The following DMP1 variants were observed in gnomAD, a reference collection of about 807,000 sequenced individuals.
DMP1 encodes dentin matrix acidic phosphoprotein 1.
In DMP1, 20 loss-of-function variants were observed where a neutral mutation model predicts 14.6. That is an observed-to-expected ratio of 1.37 (90% CI 0.96 to 1.99). DMP1 has a LOEUF of 1.99. Ranked by LOEUF, DMP1 falls within the 30% of genes most tolerant of loss-of-function variation. The probability of loss-of-function intolerance (pLI) is 0.00; values close to 1 mark genes in which losing one functional copy is unlikely to be tolerated. For missense variants in DMP1, 567 were observed against 620.5 expected, an observed-to-expected ratio of 0.91 and a Z score of 0.92; for synonymous variants, 197 against 215.3, an observed-to-expected ratio of 0.91 and a Z score of 0.75.
intron 5 of DMP1, chr4:87,660,561 CA>C (rs1240421743): frequency 6.6e-6 from 1 of 152,266 alleles, no homozygotes; most frequent in Admixed American, 6.5e-5. Context: ...AAAAACAAAA[CA>C]AAACAAAACA....
At position 87,663,613 on chromosome 4, in the gene DMP1, G is replaced by C; in HGVS notation, c.*293G>C. 1 of 454,466 alleles carries C rather than the reference G, an allele frequency of 2.2e-6. No individual in the cohort carries two copies. The highest frequency in any genetic ancestry group is 2.1e-5 in the South Asian group (1 of 47,490). 28.2% of individuals were successfully genotyped at this position (454,466 alleles called of 1,614,324 possible). ...CTAATTCATCAACGTAACAAACAAA[G>C]CTATTGGGTGTCCATGATATACCAG... On this transcript the variant is annotated 3_prime_UTR_variant, in exon 6 of 6. Transcript: ENST00000339673.
At chr4:87,651,915 T>G (rs1257567585) in intron 1 of DMP1, among the ~76,000 whole-genome samples, 3 of 152,172 alleles carry the variant, frequency 2.0e-5, no homozygotes, top group African/African-American at 7.2e-5. Context: ...TAAAAGAAGA[T>G]ATATATTTTA....
At chr4:87,661,918 C>G (rs527689128) in intron 5 of DMP1, 44 bp from the exon 6 acceptor site, 1 of 1,614,040 alleles carries the variant, frequency 6.2e-7, no homozygotes, top group South Asian at 1.1e-5. Context: ...CCTTCTCTAT[C>G]GGTTCCTGGA....
rs558966651 is a variant in DMP1 at position 87,663,890 on chromosome 4, T to C, written c.*570T>C. 6.3e-6 allele frequency: 1 copy of C among 159,588 alleles called. No individual in the cohort carries two copies. Among genetic ancestry groups the C allele is most frequent in the East Asian group, 1.7e-4 (1 of 5,730 alleles). 9.9% of individuals were successfully genotyped at this position (159,588 alleles called of 1,614,324 possible). On this transcript the variant is annotated 3_prime_UTR_variant, in exon 6 of 6. Transcript: ENST00000339673. ...GCTTCATAGCAGAAGACATTGGAGT[T>C]GGAAGGTTGCATAGGGTTTCCTCAT...
At chr4:87,659,067 C>A in intron 3 of DMP1, 153 bp from the exon 4 acceptor site, 1 of 755,456 alleles carries the variant, frequency 1.3e-6, no homozygotes, top group Non-Finnish European at 2.2e-6. Flanking sequence ...CCTTTTGGAA[C>A]CATTTCATCA....
chr4:87,659,405 A>T, intron 4 of DMP1, 26 bp from the exon 5 acceptor site: 1 of 1,613,610 alleles, frequency 6.2e-7, no homozygotes, highest in East Asian at 2.2e-5. Flanking sequence ...TACTAAAAAG[A>T]AAAGTAAACA....
In DMP1 at chr4:87,662,710, G is replaced by A. The variant is rs771275728; in HGVS notation, c.932G>A (p.Arg311Lys). 3.1e-6 allele frequency: 5 copies of A among 1,614,150 alleles called. No individual in the cohort carries two copies. The highest frequency in any genetic ancestry group is 4.2e-6 in the Non-Finnish European group (5 of 1,180,032). ...SRDTGLSQPR[R>K]DSKGDSQEDS... ...GACACTGGCCTCAGCCAACCCAGGA[G>A]AGACAGCAAGGGTGACTCTCAAGAA... The change falls in exon 6 of 6, where the codon AGA (arginine) becomes AAA (lysine). Residue 311 changes from arginine (R) to lysine (K), a missense_variant. Arg to Lys is a conservative substitution (Grantham distance 26). Transcript: ENST00000339673.
intron 5 of DMP1, among the ~76,000 whole-genome samples, chr4:87,661,473 C>T (rs1158039699): frequency 1.1e-4 from 17 of 151,834 alleles, no homozygotes; most frequent in East Asian, 3.9e-4. Flanking sequence ...CCGCCCGCCT[C>T]GGCCTCCCAA....
At chr4:87,651,560 T>C (rs1416726708) in intron 1 of DMP1, among the ~76,000 whole-genome samples, 1 of 152,102 alleles carries the variant, frequency 6.6e-6, no homozygotes, top group Non-Finnish European at 1.5e-5. Flanking sequence ...ATTTTATTAT[T>C]ATAAAACCAA....
chr4:87,659,615 A>G (rs990524753), intron 5 of DMP1, 137 bp downstream of exon 5: 4 of 853,216 alleles, frequency 4.7e-6, no homozygotes, highest in Admixed American at 4.1e-5. Flanking sequence ...AGTCCTATAA[A>G]GTAAGAAGAG....
At chr4:87,653,421 ATATATATATATAC>A (rs2110010222) in intron 1 of DMP1, among the ~76,000 whole-genome samples, 4 of 104,618 alleles carry the variant, frequency 3.8e-5, no homozygotes, top group South Asian at 2.7e-4. Context: ...ATATATATAT[ATATATATATATAC>A]TTTTTTTTTG....
intron 1 of DMP1, among the ~76,000 whole-genome samples, chr4:87,655,287 A>C (rs935619820): frequency 2.0e-5 from 3 of 152,184 alleles, no homozygotes; most frequent in African/African-American, 7.2e-5. Context: ...CATTTCAATA[A>C]ATTTTTACTT....
chr4:87,663,419 AT>A lies in DMP1; in HGVS notation c.*100del. 1.3e-6 allele frequency: 2 copies of A among 1,565,534 alleles called. No individual in the cohort carries two copies. The highest frequency in any genetic ancestry group is 1.8e-4 in the Middle Eastern group (1 of 5,590). On this transcript the variant is annotated 3_prime_UTR_variant, in exon 6 of 6. Coordinates refer to ENST00000339673, the MANE Select transcript of DMP1 (RefSeq NM_004407.4). ...ATTTATTGATGTTTTGATCAAAAGA[AT>A]AACCAGATGCCATATTTTTCCTGAA...
chr4:87,658,311 C>T (rs1277825995), intron 3 of DMP1, among the ~76,000 whole-genome samples: 1 of 152,194 alleles, frequency 6.6e-6, no homozygotes, highest in Non-Finnish European at 1.5e-5. Context: ...CTACTTTGCG[C>T]CTTGGGTGTT....
chr4:87,662,997 G>A lies in DMP1; in HGVS notation c.1219G>A (p.Glu407Lys), dbSNP rs752286947. ...SESREEQADS[E>K]SSESLNFSEE... ...ATCCAGAGAGGAGCAAGCAGACAGC[G>A]AATCCAGTGAGAGCCTCAACTTCTC... The change falls in exon 6 of 6, where the codon GAA (glutamate) becomes AAA (lysine). Residue 407 changes from glutamate to lysine, a missense_variant. Transcript: ENST00000339673. The A allele has an allele frequency of 3.7e-6, 6 of 1,614,042 alleles. 1 individual carries two copies. The highest frequency in any genetic ancestry group is 2.2e-5 in the East Asian group (1 of 44,882).
In DMP1 at chr4:87,663,189, A is replaced by G. The variant is rs959993870; in HGVS notation, c.1411A>G (p.Ser471Gly). The change falls in exon 6 of 6, where the codon AGC (serine) becomes GGC (glycine). Residue 471 changes from serine (S) to glycine (G), a missense_variant. Transcript: ENST00000339673. The part of the protein sequence containing the change: ...RSKEDSNSTE[S>G]KSSSEEDGQL... ...CAAAGAAGATAGCAACTCCACGGAGAGCAAATCAAGCAGTGAGGAAGATGG... is the reference window on the plus strand; with the variant it reads ...CAAAGAAGATAGCAACTCCACGGAGGGCAAATCAAGCAGTGAGGAAGATGG... 6.2e-6 allele frequency: 10 copies of G among 1,614,104 alleles called. No homozygotes were observed. The highest frequency in any genetic ancestry group is 1.3e-5 in the African/African-American group (1 of 74,932).
chr4:87,663,766 A>T lies in DMP1; in HGVS notation c.*446A>T, dbSNP rs936623166. ...ATGTATAAGAGAAACAAGAATTGTTACAACCCAGTATGGTGAGTGCCAAGA... is the reference window on the plus strand; with the variant it reads ...ATGTATAAGAGAAACAAGAATTGTTTCAACCCAGTATGGTGAGTGCCAAGA... On this transcript the variant is annotated 3_prime_UTR_variant, in exon 6 of 6. Coordinates refer to ENST00000339673, the MANE Select transcript of DMP1 (RefSeq NM_004407.4). 1 of 256,582 alleles carries T rather than the reference A, an allele frequency of 3.9e-6. No homozygotes were observed. Among genetic ancestry groups the T allele is most frequent in the African/African-American group, 2.3e-5 (1 of 44,396 alleles). 15.9% of individuals were successfully genotyped at this position (256,582 alleles called of 1,614,324 possible).
chr4:87,659,329 T>C (rs1728790964), intron 4 of DMP1, 77 bp downstream of exon 4: 3 of 1,600,514 alleles, frequency 1.9e-6, no homozygotes, highest in African/African-American at 1.3e-5. Context: ...TTTTACAATT[T>C]TGAAAGTAGT....
intron 1 of DMP1, among the ~76,000 whole-genome samples, chr4:87,656,185 A>G (rs1177699147): frequency 6.6e-6 from 1 of 152,152 alleles, no homozygotes; most frequent in Non-Finnish European, 1.5e-5. Flanking sequence ...AGATTTGCCT[A>G]TTGTGGACAT....
Sources: allele counts gnomAD v4.1 joint callset (sites outside exome capture counted in the v4.1 genomes callset), GRCh38; gene constraint gnomAD v4.1.1; transcripts MANE v1.5; gene names NCBI Gene and HGNC (gene_info 2026-07-23, HGNC 2026-07-21).